Variants in KCNU1 observed in about 807,000 individuals in gnomAD.
KCNU1 encodes potassium channel subfamily U member 1.
A neutral mutation model predicts 126.8 loss-of-function variants in KCNU1; 93 were observed. The ratio of observed to expected loss-of-function variants is 0.73; its 90% confidence interval spans 0.62 to 0.87. KCNU1 has a LOEUF of 0.87. KCNU1 is among the 40% of genes least tolerant of loss of function. The probability of loss-of-function intolerance (pLI) is 0.00; values close to 1 mark genes in which losing one functional copy is unlikely to be tolerated. For synonymous variants in KCNU1, 523 were observed against 494.2 expected, an observed-to-expected ratio of 1.06 and a Z score of -0.77; for missense variants, 1,330 against 1,367.1, an observed-to-expected ratio of 0.97 and a Z score of 0.43.
intron 18 of KCNU1, among the ~76,000 whole-genome samples, chr8:36,857,983 T>A (rs1168613803): frequency 6.6e-6 from 1 of 152,084 alleles, no homozygotes; most frequent in Non-Finnish European, 1.5e-5. Flanking sequence ...CACAGAACAA[T>A]TTCTAGAGAT....
chr8:36,798,918 G>A (rs2406942), intron 2 of KCNU1, among the ~76,000 whole-genome samples: 1 of 152,152 alleles, frequency 6.6e-6, no homozygotes, highest in Non-Finnish European at 1.5e-5. Flanking sequence ...ATTTGGCTCA[G>A]AATAAATCTC....
At position 36,859,122 on chromosome 8, in the gene KCNU1, A is replaced by G. The variant is rs189862056; in HGVS notation, c.1892-5282A>G. On this transcript the variant is annotated intron_variant, in intron 18 of 26. Coordinates refer to ENST00000399881, the MANE Select transcript of KCNU1 (RefSeq NM_001031836.3). ...CACAGGTCAATGGCTTGGTGTGTCA[A>G]TTTGAATCTGGAGATCCTGGTTCTA... Among the ~76,000 whole-genome samples the G allele has an allele frequency of 1.3e-3, 195 of 152,286 alleles. 1 individual carries two copies. The highest frequency in any genetic ancestry group is 7.7e-4 in the East Asian group (4 of 5,180).
chr8:36,920,801 G>A (rs11994612), intron 23 of KCNU1, among the ~76,000 whole-genome samples: 31,972 of 152,174 alleles, frequency 0.21, 3,811 homozygotes, highest in Middle Eastern at 0.34. Flanking sequence ...CACAGGAGAT[G>A]TGGATTGATA....
intron 19 of KCNU1, among the ~76,000 whole-genome samples, chr8:36,901,294 G>A (rs199955758): frequency 1.2e-3 from 186 of 152,174 alleles, no homozygotes; most frequent in Non-Finnish European, 2.2e-3. Flanking sequence ...TACATGGTTT[G>A]GTCTCTCTCT....
At chr8:36,873,991 C>T (rs754259706) in intron 19 of KCNU1, among the ~76,000 whole-genome samples, 23 of 152,026 alleles carry the variant, frequency 1.5e-4, no homozygotes, top group South Asian at 4.1e-4. Flanking sequence ...GTCAATTATG[C>T]CAGAGGGAGG....
intron 10 of KCNU1, among the ~76,000 whole-genome samples, chr8:36,828,674 T>A (rs1057451469): frequency 6.6e-6 from 1 of 152,136 alleles, no homozygotes; most frequent in African/African-American, 2.4e-5. Flanking sequence ...ATTTCTATAT[T>A]TTGCAATTGG....
rs544595144 is a variant in KCNU1 at position 36,909,403 on chromosome 8, C to G, written c.2199C>G (p.Asn733Lys). 9.3e-6 allele frequency: 15 copies of G among 1,612,982 alleles called. No homozygotes were observed. In the East Asian group the frequency reaches 3.1e-4, roughly 34 times the overall value. The part of the protein sequence containing the change: ...DAHSAPMGLR[N>K]FVMPLRASNY... ...ACTCAGCCCCGATGGGGCTTCGGAA[C>G]TTTGTAATGCCCTTGAGAGCCAGCA... is the stretch of plus-strand genomic sequence containing the variant. Residue 733 changes from asparagine to lysine, a missense_variant, in exon 21 of 27, where the codon AAC (asparagine) becomes AAG (lysine). By Grantham distance (94) the Asn-to-Lys change is moderately conservative. Transcript: ENST00000399881.
chr8:36,879,406 G>A (rs1200336459), intron 19 of KCNU1, among the ~76,000 whole-genome samples: 1 of 151,798 alleles, frequency 6.6e-6, no homozygotes, highest in Non-Finnish European at 1.5e-5. Context: ...AGAAATGTAT[G>A]TCTGGTATGC....
intron 19 of KCNU1, among the ~76,000 whole-genome samples, chr8:36,904,875 A>C (rs534795248): frequency 6.6e-6 from 1 of 152,230 alleles, no homozygotes; most frequent in African/African-American, 2.4e-5. Flanking sequence ...GGTGAGAAGA[A>C]GTAAGCTGTG....
chr8:36,932,827 A>G, intron 25 of KCNU1, 93 bp from the exon 26 acceptor site: 3 of 712,432 alleles, frequency 4.2e-6, no homozygotes, highest in Non-Finnish European at 7.5e-6. Flanking sequence ...CCAAGCTTCT[A>G]CTACCAGATA....
intron 2 of KCNU1, among the ~76,000 whole-genome samples, chr8:36,803,673 T>C (rs1803392955): frequency 6.6e-6 from 1 of 152,212 alleles, no homozygotes; most frequent in Non-Finnish European, 1.5e-5. Context: ...AAGCACTTAA[T>C]AGATGTTTGA....
chr8:36,913,620 G>A (rs1365153365), intron 22 of KCNU1, among the ~76,000 whole-genome samples: 1 of 74,380 alleles, frequency 1.3e-5, no homozygotes, highest in Non-Finnish European at 2.7e-5. Flanking sequence ...TTTTTTTTTT[G>A]AGACGGAGTC....
chr8:36,901,722 C>T (rs533220513), intron 19 of KCNU1, among the ~76,000 whole-genome samples: 46 of 152,222 alleles, frequency 3.0e-4, no homozygotes, highest in African/African-American at 1.0e-3. Flanking sequence ...AAATACAACA[C>T]GCTGTTGCTT....
chr8:36,897,004 G>T (rs1781350139), intron 19 of KCNU1, among the ~76,000 whole-genome samples: 1 of 152,022 alleles, frequency 6.6e-6, no homozygotes, highest in African/African-American at 2.4e-5. Flanking sequence ...AAAGAGAGAT[G>T]CATGTGCTTC....
chr8:36,935,396 A>G lies in KCNU1; in HGVS notation c.3045-119A>G, dbSNP rs1226021886. 5 of 763,646 alleles carry G rather than the reference A, an allele frequency of 6.5e-6. No homozygotes were observed. The Admixed American group carries it at 1.2e-4, about 18-fold the overall frequency. 47.3% of individuals were successfully genotyped at this position (763,646 alleles called of 1,614,324 possible). A position where few individuals can be genotyped will look rare whatever the true frequency, so the allele number is the denominator to read the frequency against. Reference sequence around the variant, plus strand: ...ATTAATCAGAAACCCATGAAGCAAAACAAAACAAAAACGTTTCCTCTTTGG... The same window carrying G: ...ATTAATCAGAAACCCATGAAGCAAAGCAAAACAAAAACGTTTCCTCTTTGG... On this transcript the variant is annotated intron_variant, in intron 26 of 26. Coordinates refer to ENST00000399881, the MANE Select transcript of KCNU1 (RefSeq NM_001031836.3).
chr8:36,805,208 T>C lies in KCNU1; in HGVS notation c.391T>C (p.Cys131Arg). 2.5e-6 allele frequency: 4 copies of C among 1,609,748 alleles called. No homozygotes were observed. The highest frequency in any genetic ancestry group is 2.5e-6 in the Non-Finnish European group (3 of 1,177,164). ...TTTCTTTTCCAGCCCTGTTGGAAGC[T>C]GTTCATCATATGAAGACAAAACCAT... is the stretch of plus-strand genomic sequence containing the variant. ...FINSADPVGS[C>R]SSYEDKTIPI... Residue 131 changes from cysteine (C) to arginine (R), a missense_variant, in exon 4 of 27, where the codon TGT becomes CGT. Cys to Arg is a radical substitution (Grantham distance 180). Around this residue, in one of 3 missense-constraint regions of KCNU1, gnomAD observed 247 missense variants for 255.4 expected, o/e 0.97. Coordinates refer to ENST00000399881, the MANE Select transcript of KCNU1 (RefSeq NM_001031836.3).
chr8:36,910,418 A>C (rs916805217), intron 21 of KCNU1, among the ~76,000 whole-genome samples: 2 of 152,124 alleles, frequency 1.3e-5, no homozygotes, highest in Non-Finnish European at 2.9e-5. Context: ...AATTACCACT[A>C]TATTAGACTC....
intron 10 of KCNU1, among the ~76,000 whole-genome samples, chr8:36,831,678 G>T (rs1804553988): frequency 6.8e-6 from 1 of 147,808 alleles, no homozygotes; most frequent in Admixed American, 6.8e-5. Flanking sequence ...CAGATGAGTA[G>T]GTTGTGAAAA....
chr8:36,863,172 T>C (rs1211060542), intron 18 of KCNU1, among the ~76,000 whole-genome samples: 3 of 152,152 alleles, frequency 2.0e-5, no homozygotes, highest in Non-Finnish European at 4.4e-5. Context: ...GATGTTTTTA[T>C]GGATTAGAAT....
Sources: allele counts gnomAD v4.1 joint callset (sites outside exome capture counted in the v4.1 genomes callset), GRCh38; gene constraint gnomAD v4.1.1; regional missense constraint gnomAD v4.1.1; transcripts MANE v1.5; gene names NCBI Gene and HGNC (gene_info 2026-07-23, HGNC 2026-07-21).